Variants in IL1RAPL1 observed in about 807,000 individuals in gnomAD.
IL1RAPL1 encodes the protein interleukin 1 receptor accessory protein like 1.
In IL1RAPL1, 3 loss-of-function variants were observed where a neutral mutation model predicts 48.4. The ratio of observed to expected loss-of-function variants is 0.06; its 90% CI spans 0.03 to 0.16. The LOEUF (loss-of-function observed/expected upper bound fraction) is 0.16. Among genes scored for constraint, IL1RAPL1 ranks in the 10% least tolerant of loss-of-function variants. The pLI, the probability that IL1RAPL1 is intolerant of heterozygous loss-of-function variation, is 1.00. For synonymous variants in IL1RAPL1, 185 were observed against 187.7 expected, an observed-to-expected ratio of 0.99 and a Z score of 0.12; for missense variants, 349 against 530.6, an observed-to-expected ratio of 0.66 and a Z score of 3.36.
intron 1 of IL1RAPL1, among the ~76,000 whole-genome samples, chrX:28,706,288 A>G (rs1027764546): frequency 2.7e-5 from 3 of 112,576 alleles, no homozygotes; most frequent in African/African-American, 9.7e-5. Context: ...AATAGGCCAT[A>G]CCGTATAGCC....
intron 5 of IL1RAPL1, among the ~76,000 whole-genome samples, chrX:29,562,066 A>AATCTATCTG (rs755749694): frequency 9.8e-6 from 1 of 101,910 alleles, no homozygotes; most frequent in African/African-American, 4.0e-5. Flanking sequence ...CTATCTATCT[A>AATCTATCTG]TCTATCTATC....
intron 3 of IL1RAPL1, among the ~76,000 whole-genome samples, chrX:29,385,589 T>A (rs1933766138): frequency 8.9e-6 from 1 of 112,944 alleles, no homozygotes; most frequent in African/African-American, 3.2e-5. Context: ...CTCGAATAAG[T>A]TTAATCATAC....
At chrX:29,472,607 A>C (rs1460984133) in intron 5 of IL1RAPL1, among the ~76,000 whole-genome samples, 1 of 111,847 alleles carries the variant, frequency 8.9e-6, no homozygotes, top group East Asian at 2.8e-4. Flanking sequence ...CAACATTTTT[A>C]AAAAATCTTT....
chrX:29,821,402 A>T (rs1451601090), intron 6 of IL1RAPL1, among the ~76,000 whole-genome samples: 1 of 111,000 alleles, frequency 9.0e-6, no homozygotes, highest in African/African-American at 3.3e-5. Flanking sequence ...GTGAGCCAAG[A>T]TCACACCACT....
chrX:29,067,341 A>G (rs865895501), intron 2 of IL1RAPL1, among the ~76,000 whole-genome samples: 1 of 112,403 alleles, frequency 8.9e-6, no homozygotes, highest in Non-Finnish European at 1.9e-5. Context: ...AGAAATAGCA[A>G]ACTCTCAAAA....
intron 3 of IL1RAPL1, among the ~76,000 whole-genome samples, chrX:29,386,672 A>G (rs1012582843): frequency 4.6e-5 from 5 of 108,328 alleles, no homozygotes; most frequent in Non-Finnish European, 9.5e-5. Flanking sequence ...CCTCCCCAGT[A>G]TCTGGGACTA....
chrX:29,350,251 C>T, intron 3 of IL1RAPL1, among the ~76,000 whole-genome samples: 1 of 67,738 alleles, frequency 1.5e-5, no homozygotes, highest in African/African-American at 9.0e-5. Flanking sequence ...TGTTTGGATA[C>T]ACCCCCCCCC....
chrX:29,003,854 G>A (rs147829092), intron 2 of IL1RAPL1, among the ~76,000 whole-genome samples: 3 of 112,236 alleles, frequency 2.7e-5, no homozygotes, highest in African/African-American at 9.7e-5. Flanking sequence ...AGAAATAGTT[G>A]ATTTAGGCTG....
Position 29,571,542 on chromosome X carries a change from A to T in IL1RAPL1, c.704-96888A>T, listed in dbSNP as rs765405074. On this transcript the variant is annotated intron_variant, in intron 5 of 10. Coordinates refer to ENST00000378993, the MANE Select transcript of IL1RAPL1 (RefSeq NM_014271.4). ...TTGAAGTTTTCCTTGCTCTTCTAAT[A>T]GATGTCTTCCTAATATAGTTTCCAT... Among the ~76,000 whole-genome samples the T allele has an allele frequency of 3.6e-5, 4 of 111,763 alleles. No individual in the cohort carries two copies. In the South Asian group the frequency reaches 1.5e-3, roughly 42 times the overall value.
At chrX:29,752,263 C>T (rs923829415) in intron 6 of IL1RAPL1, among the ~76,000 whole-genome samples, 35 of 106,478 alleles carry the variant, frequency 3.3e-4, no homozygotes, top group Non-Finnish European at 2.3e-4. Context: ...TTTGGGAGGC[C>T]GAGGCAGGTG....
intron 2 of IL1RAPL1, among the ~76,000 whole-genome samples, chrX:29,107,018 A>T (rs1252295190): frequency 8.9e-6 from 1 of 111,888 alleles, no homozygotes; most frequent in African/African-American, 3.2e-5. Flanking sequence ...CTCTTTTTCT[A>T]TTCTTGAGCA....
At position 28,938,402 on chromosome X, in the gene IL1RAPL1, A is replaced by G. The variant is rs1037581934; in HGVS notation, c.82+148977A>G. The stretch of plus-strand genomic sequence containing the variant: ...TCTGATCTTCAAACAAAGCTGACAA[A>G]AACAAGCAATGGTGAAAAGACTCCC... On this transcript the variant is annotated intron_variant, in intron 2 of 10. Transcript: ENST00000378993. Among the ~76,000 whole-genome samples, 3 of 111,155 alleles carry G rather than the reference A, an allele frequency of 2.7e-5. No homozygotes were observed. The East Asian group carries it at 8.5e-4, about 31-fold the overall frequency.
intron 2 of IL1RAPL1, among the ~76,000 whole-genome samples, chrX:29,182,993 A>G (rs1264387377): frequency 9.0e-6 from 1 of 111,407 alleles, no homozygotes. Context: ...AAAGGCAAAC[A>G]GAAGGGATTC....
chrX:29,948,852 A>G (rs1429428762), intron 9 of IL1RAPL1, among the ~76,000 whole-genome samples: 1 of 110,640 alleles, frequency 9.0e-6, no homozygotes, highest in East Asian at 2.8e-4. Flanking sequence ...AAAAGAAAAA[A>G]AAAAAAGGAA....
chrX:29,573,304 T>C (rs1292082531), intron 5 of IL1RAPL1, among the ~76,000 whole-genome samples: 1 of 112,641 alleles, frequency 8.9e-6, no homozygotes, highest in East Asian at 2.8e-4. Context: ...AAGCTTGGAT[T>C]TGGAAAGAAT....
intron 2 of IL1RAPL1, among the ~76,000 whole-genome samples, chrX:29,277,052 T>C (rs1932130872): frequency 8.9e-6 from 1 of 112,189 alleles, no homozygotes; most frequent in Admixed American, 9.5e-5. Context: ...CTAAAGAACA[T>C]AGGGTAACTA....
intron 9 of IL1RAPL1, among the ~76,000 whole-genome samples, chrX:29,945,248 C>T (rs1008969763): frequency 7.1e-5 from 8 of 112,137 alleles, no homozygotes; most frequent in African/African-American, 2.6e-4. Context: ...ATGGTCTACT[C>T]TTCCAATAGT....
intron 2 of IL1RAPL1, among the ~76,000 whole-genome samples, chrX:29,105,550 C>G (rs1928431458): frequency 8.9e-6 from 1 of 112,060 alleles, no homozygotes; most frequent in African/African-American, 3.2e-5. Context: ...AAATACAAAT[C>G]TTTCTCCTTT....
chrX:29,139,357 A>AT (rs1929199733), intron 2 of IL1RAPL1, among the ~76,000 whole-genome samples: 1 of 110,995 alleles, frequency 9.0e-6, no homozygotes, highest in African/African-American at 3.3e-5. Context: ...GGTAAAAAAA[A>AT]AATAGAGCAG....
Sources: allele counts gnomAD v4.1 joint callset (sites outside exome capture counted in the v4.1 genomes callset), GRCh38; gene constraint gnomAD v4.1.1; transcripts MANE v1.5; gene names NCBI Gene and HGNC (gene_info 2026-07-23, HGNC 2026-07-21).